The following TMEM132B variants were observed in gnomAD, a reference collection of about 807,000 sequenced individuals.
TMEM132B encodes the protein transmembrane protein 132B.
In TMEM132B, 18 loss-of-function variants were observed where a neutral mutation model predicts 90.8. The ratio of observed to expected loss-of-function variants is 0.20; its 90% CI spans 0.14 to 0.29. TMEM132B has a LOEUF of 0.29. Among genes scored for constraint, TMEM132B ranks in the 10% least tolerant of loss-of-function variants. TMEM132B has a pLI of 1.00. For synonymous variants in TMEM132B, 504 were observed against 523.3 expected (o/e 0.96, Z 0.50); for missense variants, 1,096 against 1,326.8 (o/e 0.83, Z 2.70).
At chr12:125,229,997 C>T (rs551750070) in intron 1 of TMEM132B, among the ~76,000 whole-genome samples, 1 of 152,216 alleles carries the variant, frequency 6.6e-6, no homozygotes, top group Non-Finnish European at 1.5e-5. Context: ...AGCCTTAGGT[C>T]ACATGCTGGG....
At chr12:125,643,929 A>C (rs1886693636) in intron 5 of TMEM132B, 147 bp from the exon 6 acceptor site, 4 of 680,064 alleles carry the variant, frequency 5.9e-6, no homozygotes, top group Admixed American at 5.2e-5. Context: ...AGTGCCTACA[A>C]ATTACCTTTT....
intron 4 of TMEM132B, among the ~76,000 whole-genome samples, chr12:125,575,078 A>ATATATATATATATATATATATATATT (rs1311570495): frequency 3.7e-5 from 4 of 108,972 alleles, no homozygotes; most frequent in African/African-American, 1.3e-4. Flanking sequence ...ATATATATAT[A>ATATATATATATATATATATATATATT]TATATTCAGG....
chr12:125,416,598 T>C (rs1333926532), intron 3 of TMEM132B, among the ~76,000 whole-genome samples: 1 of 152,248 alleles, frequency 6.6e-6, no homozygotes, highest in Non-Finnish European at 1.5e-5. Flanking sequence ...GGAGGGTCTT[T>C]TCCAGTGAGT....
intron 2 of TMEM132B, among the ~76,000 whole-genome samples, chr12:125,375,739 G>A (rs1254451424): frequency 1.3e-5 from 2 of 152,246 alleles, no homozygotes; most frequent in Non-Finnish European, 1.5e-5. Context: ...TTCAGAGAAC[G>A]TGGTAAACCC....
At chr12:125,324,193 C>G (rs567037683) in intron 1 of TMEM132B, among the ~76,000 whole-genome samples, 3 of 152,138 alleles carry the variant, frequency 2.0e-5, no homozygotes, top group Non-Finnish European at 2.9e-5. Context: ...ACAATCCGTG[C>G]GTTTGAATAA....
At position 125,583,984 on chromosome 12, in the gene TMEM132B, A is replaced by G; in HGVS notation, c.1427A>G (p.Asp476Gly). 1 of 1,614,140 alleles carries G rather than the reference A, an allele frequency of 6.2e-7. No homozygotes were observed. The highest frequency in any genetic ancestry group is 1.6e-4 in the Middle Eastern group (1 of 6,062). Residue 476 changes from aspartate (D) to glycine (G), a missense_variant, in exon 5 of 9, where the codon GAT (aspartate) becomes GGT (glycine). By Grantham distance (94) the Asp-to-Gly change is moderately conservative (BLOSUM62 -1). Transcript: ENST00000682704. ...GTGGAATGCAAGTCTGCCGATGAAG[A>G]TGTCATTAAGGTAAGGGGGGATTTA... ...ESVECKSADE[D>G]VIKVSNNCDS... is the part of the protein sequence containing the mutation.
intron 1 of TMEM132B, among the ~76,000 whole-genome samples, chr12:125,325,026 A>C (rs1166735295): frequency 6.6e-6 from 1 of 151,964 alleles, no homozygotes; most frequent in Non-Finnish European, 1.5e-5. Flanking sequence ...CAAAACAGAG[A>C]GCTCTTCTGG....
At chr12:125,617,890 T>C (rs1275036257) in intron 5 of TMEM132B, among the ~76,000 whole-genome samples, 2 of 152,064 alleles carry the variant, frequency 1.3e-5, no homozygotes, top group Non-Finnish European at 2.9e-5. Flanking sequence ...GGAAACTGAC[T>C]TTGAGTTTAT....
intron 4 of TMEM132B, among the ~76,000 whole-genome samples, chr12:125,550,125 C>T (rs867912092): frequency 6.6e-6 from 1 of 152,204 alleles, no homozygotes; most frequent in Non-Finnish European, 1.5e-5. Flanking sequence ...CGCACAGCCC[C>T]CAGAGCCTGC....
chr12:125,232,220 A>T (rs1873844698), intron 1 of TMEM132B, among the ~76,000 whole-genome samples: 1 of 152,108 alleles, frequency 6.6e-6, no homozygotes, highest in Non-Finnish European at 1.5e-5. Flanking sequence ...AACAATGCTG[A>T]TGTGAACATC....
At chr12:125,542,346 T>C (rs143263237) in intron 4 of TMEM132B, among the ~76,000 whole-genome samples, 2 of 152,300 alleles carry the variant, frequency 1.3e-5, no homozygotes, top group African/African-American at 4.8e-5. Context: ...TGGTAAAATA[T>C]CACAAAACTT....
intron 5 of TMEM132B, among the ~76,000 whole-genome samples, chr12:125,596,916 G>A (rs182004254): frequency 5.9e-5 from 9 of 152,290 alleles, no homozygotes; most frequent in Admixed American, 5.2e-4. Flanking sequence ...AGACATCTAT[G>A]TCTGAAGGCC....
At chr12:125,609,842 A>AAAAAG (rs1885783500) in intron 5 of TMEM132B, among the ~76,000 whole-genome samples, 6 of 146,052 alleles carry the variant, frequency 4.1e-5, no homozygotes, top group Non-Finnish European at 9.1e-5. Context: ...AAAAAAAAAA[A>AAAAAG]AAAGAATATT....
chr12:125,512,663 A>G (rs1883011137), intron 3 of TMEM132B, among the ~76,000 whole-genome samples: 1 of 152,164 alleles, frequency 6.6e-6, no homozygotes. Flanking sequence ...GACCTTAAGT[A>G]TTTGTAGCCT....
chr12:125,600,353 C>T (rs1295555287), intron 5 of TMEM132B, among the ~76,000 whole-genome samples: 1 of 152,170 alleles, frequency 6.6e-6, no homozygotes, highest in African/African-American at 2.4e-5. Flanking sequence ...TTGACTCTCT[C>T]CATTCCACTT....
chr12:125,402,355 A>G (rs1290090166), intron 2 of TMEM132B, among the ~76,000 whole-genome samples: 1 of 152,084 alleles, frequency 6.6e-6, no homozygotes, highest in Non-Finnish European at 1.5e-5. Context: ...ACGCCTGGCT[A>G]ATTTTTGTAT....
chr12:125,510,347 T>C (rs1449687022), intron 3 of TMEM132B, among the ~76,000 whole-genome samples: 1 of 152,210 alleles, frequency 6.6e-6, no homozygotes, highest in East Asian at 1.9e-4. Flanking sequence ...TGCAAAGTAC[T>C]TTACACATTT....
chr12:125,491,758 CGTTT>C (rs1305906037), intron 3 of TMEM132B, among the ~76,000 whole-genome samples: 10 of 152,280 alleles, frequency 6.6e-5, no homozygotes, highest in Admixed American at 5.2e-4. Flanking sequence ...GATCGATAGG[CGTTT>C]GTTTGTTTGA....
chr12:125,525,637 G>A (rs144676473), intron 4 of TMEM132B, among the ~76,000 whole-genome samples: 2 of 152,272 alleles, frequency 1.3e-5, no homozygotes, highest in African/African-American at 2.4e-5. Flanking sequence ...CCAATCTCAG[G>A]TATTTTGTTG....
Sources: gnomAD v4.1 joint callset for allele counts (sites outside exome capture counted in the v4.1 genomes callset) on GRCh38, gnomAD v4.1.1 for gene constraint, MANE v1.5 for transcripts, NCBI Gene and HGNC (gene_info 2026-07-23, HGNC 2026-07-21) for gene names.